MARCHF1: variants seen among roughly 807,000 people sequenced by gnomAD.
MARCHF1 encodes membrane associated ring-CH-type finger 1, also known as E3 ubiquitin-protein ligase MARCHF1.
In MARCHF1, 40 loss-of-function variants were observed where a neutral mutation model predicts 54.2. The observed-to-expected ratio is 0.74, with a 90% CI of 0.57 to 0.96. The LOEUF is 0.96. Ranked by LOEUF, MARCHF1 falls within the 40% of genes least tolerant of loss-of-function variation. The pLI is 0.00. For synonymous variants in MARCHF1, 236 were observed against 236.3 expected (o/e 1.00, Z 0.01); for missense variants, 586 against 656.5 (o/e 0.89, Z 1.17).
At chr4:163,785,571 T>C (rs1214331782) in intron 4 of MARCHF1, among the ~76,000 whole-genome samples, 1 of 152,036 alleles carries the variant, frequency 6.6e-6, no homozygotes, top group East Asian at 1.9e-4. Flanking sequence ...TGTGGGGATA[T>C]GTAGGAGAAC....
At chr4:164,264,296 T>C (rs890890461) in intron 1 of MARCHF1, among the ~76,000 whole-genome samples, 2 of 152,072 alleles carry the variant, frequency 1.3e-5, no homozygotes, top group Non-Finnish European at 2.9e-5. Context: ...TGAGAACTCA[T>C]GAACACAACG....
chr4:163,552,387 G>T (rs570402638), intron 8 of MARCHF1, among the ~76,000 whole-genome samples: 12 of 152,280 alleles, frequency 7.9e-5, no homozygotes, highest in Non-Finnish European at 1.8e-4. Context: ...TTTAGAATCG[G>T]GGGAAGTAGT....
rs185127608 is a variant in MARCHF1, at chr4:163,935,592, A to T, written c.-39+52909T>A. Among the ~76,000 whole-genome samples the T allele has an allele frequency of 3.3e-5, 5 of 152,034 alleles. No homozygotes were observed. In the East Asian group the frequency reaches 7.7e-4, roughly 24 times the overall value. On this transcript the variant is annotated intron_variant, in intron 3 of 9. Coordinates refer to ENST00000514618, the MANE Select transcript of MARCHF1 (RefSeq NM_001394959.1). ...CTTCACAGAATTGAAGAGAATTGGG[A>T]CCTTGCTCTGATTAGTCTTTGACTT...
chr4:163,636,860 A>G (rs1217216163), intron 5 of MARCHF1, among the ~76,000 whole-genome samples: 1 of 152,260 alleles, frequency 6.6e-6, no homozygotes, highest in Non-Finnish European at 1.5e-5. Flanking sequence ...ACAAGGCTAC[A>G]GTAACCAAAA....
intron 2 of MARCHF1, among the ~76,000 whole-genome samples, chr4:163,991,847 CT>C (rs749838618): frequency 4.6e-5 from 7 of 152,062 alleles, no homozygotes; most frequent in Non-Finnish European, 7.4e-5. Flanking sequence ...CAGCCCTCGG[CT>C]CTGGGGACAG....
intron 1 of MARCHF1, among the ~76,000 whole-genome samples, chr4:164,136,008 G>A (rs548324599): frequency 6.6e-6 from 1 of 151,620 alleles, no homozygotes; most frequent in Non-Finnish European, 1.5e-5. Flanking sequence ...TCGATTTCTA[G>A]GTAGAAAAAT....
rs112030408 is a variant in MARCHF1, at chr4:164,068,493, G to A, written c.-248+43095C>T. 6.1e-3 allele frequency among the ~76,000 whole-genome samples: 925 copies of A among 152,246 alleles called. 18 individuals carry two copies. Among genetic ancestry groups the A allele is most frequent in the African/African-American group, 0.021 (882 of 41,558 alleles). ...CTCGGCAGGCCCCACAATTCGGAGC[G>A]GCCGGCCAGCCCCGCCGGCCCCGAG... On this transcript the variant is annotated intron_variant, in intron 2 of 9. Coordinates refer to ENST00000514618, the MANE Select transcript of MARCHF1 (RefSeq NM_001394959.1).
chr4:164,340,568 C>T lies in MARCHF1; in HGVS notation c.-323+43302G>A, dbSNP rs377552462. ...CCTCAGCCTCTCAAGTAGCTGGGACCGCCCCACACCATGCCTGCCTATTTT... is the reference window on the plus strand; with the variant it reads ...CCTCAGCCTCTCAAGTAGCTGGGACTGCCCCACACCATGCCTGCCTATTTT... On this transcript the variant is annotated intron_variant, in intron 1 of 9. Coordinates refer to ENST00000514618, the MANE Select transcript of MARCHF1 (RefSeq NM_001394959.1). Among the ~76,000 whole-genome samples the T allele has an allele frequency of 7.8e-4, 117 of 150,746 alleles. 4 individuals carry two copies. Among genetic ancestry groups the T allele is most frequent in the East Asian group, 3.7e-3 (19 of 5,100 alleles).
At chr4:163,922,505 G>A (rs943374268) in intron 3 of MARCHF1, among the ~76,000 whole-genome samples, 3 of 152,094 alleles carry the variant, frequency 2.0e-5, no homozygotes, top group African/African-American at 4.8e-5. Context: ...TGGCAGTCAG[G>A]CTTCCTGTAA....
Position 163,846,237 on chromosome 4 carries a change from A to T in MARCHF1, c.111+7784T>A, listed in dbSNP as rs146866305. On this transcript the variant is annotated intron_variant, in intron 4 of 9. Transcript: ENST00000514618. ...CTGACTTGATTTATTTTCAGAATGC[A>T]TTAAGGCCACTGTATAATAAACTGG... 2.6e-3 allele frequency among the ~76,000 whole-genome samples: 391 copies of T among 152,356 alleles called. 3 individuals carry two copies. The highest frequency in any genetic ancestry group is 9.0e-3 in the African/African-American group (374 of 41,586).
intron 2 of MARCHF1, among the ~76,000 whole-genome samples, chr4:164,069,004 T>C (rs1754794178): frequency 6.6e-6 from 1 of 152,128 alleles, no homozygotes; most frequent in African/African-American, 2.4e-5. Context: ...TTGGAGAACC[T>C]TTGTGTCTAG....
At chr4:163,688,719 T>G (rs1421896086) in intron 5 of MARCHF1, among the ~76,000 whole-genome samples, 1 of 152,160 alleles carries the variant, frequency 6.6e-6, no homozygotes, top group African/African-American at 2.4e-5. Flanking sequence ...TAATGATTGC[T>G]AAGAGTATCA....
At position 164,294,110 on chromosome 4, in the gene MARCHF1, T is replaced by G. The variant is rs181621550; in HGVS notation, c.-323+89760A>C. 4.4e-3 allele frequency among the ~76,000 whole-genome samples: 668 copies of G among 151,794 alleles called. 4 individuals carry two copies. Among genetic ancestry groups the G allele is most frequent in the African/African-American group, 9.9e-3 (413 of 41,558 alleles). Reference sequence around the variant, plus strand: ...CCCTCGACATTGGACTCCAATTTCTTCAGCTTTTGGACTCTTGGACTTACA... The same window carrying G: ...CCCTCGACATTGGACTCCAATTTCTGCAGCTTTTGGACTCTTGGACTTACA... On this transcript the variant is annotated intron_variant, in intron 1 of 9. Coordinates refer to ENST00000514618, the MANE Select transcript of MARCHF1 (RefSeq NM_001394959.1).
chr4:164,025,324 G>A (rs1190352236), intron 2 of MARCHF1, among the ~76,000 whole-genome samples: 1 of 151,876 alleles, frequency 6.6e-6, no homozygotes, highest in Non-Finnish European at 1.5e-5. Context: ...TCTTTAAAAT[G>A]GACCAAATGT....
chr4:163,632,485 G>A (rs924238858), intron 5 of MARCHF1, among the ~76,000 whole-genome samples: 1 of 152,190 alleles, frequency 6.6e-6, no homozygotes, highest in Non-Finnish European at 1.5e-5. Context: ...AAGGGGTGAT[G>A]GACGGCACCT....
rs540480673 is a variant in MARCHF1, at chr4:164,054,097, A to C, written c.-248+57491T>G. Among the ~76,000 whole-genome samples, 38 of 151,754 alleles carry C rather than the reference A, an allele frequency of 2.5e-4. No individual in the cohort carries two copies. The South Asian group carries it at 3.4e-3, about 13-fold the overall frequency. On this transcript the variant is annotated intron_variant, in intron 2 of 9. Coordinates refer to ENST00000514618, the MANE Select transcript of MARCHF1 (RefSeq NM_001394959.1). ...TTACAAGAAAAAAACAAACAACCCCATCAAAAAGTGGGCAAAGGACATGAA... is the reference window on the plus strand; with the variant it reads ...TTACAAGAAAAAAACAAACAACCCCCTCAAAAAGTGGGCAAAGGACATGAA...
At chr4:163,670,459 C>T (rs531861855) in intron 5 of MARCHF1, among the ~76,000 whole-genome samples, 9 of 151,440 alleles carry the variant, frequency 5.9e-5, no homozygotes, top group Non-Finnish European at 7.4e-5. Context: ...TTTATTTACA[C>T]GCATCTATTA....
At chr4:163,893,119 G>A (rs1032251649) in intron 3 of MARCHF1, among the ~76,000 whole-genome samples, 1 of 151,484 alleles carries the variant, frequency 6.6e-6, no homozygotes, top group Admixed American at 6.6e-5. Flanking sequence ...GCTCCAGAGG[G>A]AGACCCAACC....
chr4:164,223,765 C>T (rs1732176620), intron 1 of MARCHF1, among the ~76,000 whole-genome samples: 1 of 151,660 alleles, frequency 6.6e-6, no homozygotes, highest in South Asian at 2.1e-4. Flanking sequence ...AATACTAATG[C>T]TGCTCTTTAA....
Sources: allele counts gnomAD v4.1 joint callset (sites outside exome capture counted in the v4.1 genomes callset), GRCh38; gene constraint gnomAD v4.1.1; transcripts MANE v1.5; gene names NCBI Gene and HGNC (gene_info 2026-07-23, HGNC 2026-07-21).